Variants in ERICH6B observed in about 807,000 individuals in gnomAD.
ERICH6B encodes glutamate rich 6B, also known as glutamate-rich protein 6B.
Under a neutral mutation model 80.0 loss-of-function variants are expected in ERICH6B, and 69 were observed. That is an observed-to-expected ratio of 0.86 (90% CI 0.71 to 1.05). The LOEUF (loss-of-function observed/expected upper bound fraction) is 1.05, where lower values mean the gene tolerates loss of function less well. Among genes scored for constraint, ERICH6B ranks in the 50% least tolerant of loss-of-function variants. ERICH6B has a pLI of 0.00. For synonymous variants in ERICH6B, 283 were observed against 291.9 expected, an observed-to-expected ratio of 0.97 and a Z score of 0.31; for missense variants, 754 against 796.1, an observed-to-expected ratio of 0.95 and a Z score of 0.64.
intron 1 of ERICH6B, among the ~76,000 whole-genome samples, chr13:45,609,277 C>T (rs1379246156): frequency 6.6e-6 from 1 of 152,210 alleles, no homozygotes; most frequent in Non-Finnish European, 1.5e-5. Context: ...TCTGGAAATC[C>T]TCCTTCCCTT....
intron 7 of ERICH6B, among the ~76,000 whole-genome samples, chr13:45,575,301 C>G (rs574439619): frequency 6.6e-6 from 1 of 152,320 alleles, no homozygotes; most frequent in African/African-American, 2.4e-5. Context: ...CGGCAGAGGA[C>G]TAGGTGCAAA....
chr13:45,543,867 G>T (rs138481518), intron 14 of ERICH6B, among the ~76,000 whole-genome samples: 1 of 152,156 alleles, frequency 6.6e-6, no homozygotes, highest in African/African-American at 2.4e-5. Flanking sequence ...ACAACAGCAG[G>T]CCTGGGGACA....
At chr13:45,563,558 C>T (rs1874781630) in intron 10 of ERICH6B, 169 bp downstream of exon 10, 4 of 674,382 alleles carry the variant, frequency 5.9e-6, no homozygotes, top group East Asian at 2.7e-5. Flanking sequence ...ACTGTGCCTG[C>T]CATGCTCGGT....
intron 14 of ERICH6B, among the ~76,000 whole-genome samples, chr13:45,544,542 A>G (rs886088666): frequency 2.6e-5 from 4 of 152,184 alleles, no homozygotes; most frequent in Non-Finnish European, 5.9e-5. Context: ...TTTCAATGTG[A>G]ATTTCCTCAG....
At position 45,596,927 on chromosome 13, in the gene ERICH6B, A is replaced by G; in HGVS notation, c.79T>C (p.Leu27=). The G allele has an allele frequency of 1.3e-6, 2 of 1,551,746 alleles. No homozygotes were observed. The highest frequency in any genetic ancestry group is 1.7e-6 in the Non-Finnish European group (2 of 1,147,000). The change falls in exon 3 of 15, where the codon TTG becomes CTG. Residue 27 remains leucine, a synonymous_variant. Coordinates refer to ENST00000298738, the MANE Select transcript of ERICH6B (RefSeq NM_182542.3). ...TCAGTATCCTCTTTCTCTGAAGGCAAGTTCTGTGTGGAATATTGGGGAGTT... is the reference window on the plus strand; with the variant it reads ...TCAGTATCCTCTTTCTCTGAAGGCAGGTTCTGTGTGGAATATTGGGGAGTT... ...PTTPQYSTQN[L]PSEKEDTEVE...
At chr13:45,569,798 C>T (rs569546882) in intron 8 of ERICH6B, among the ~76,000 whole-genome samples, 1 of 152,274 alleles carries the variant, frequency 6.6e-6, no homozygotes, top group South Asian at 2.1e-4. Context: ...GTCCGACTTG[C>T]CTGATTCCTA....
At chr13:45,550,976 G>A (rs1200384710) in intron 11 of ERICH6B, among the ~76,000 whole-genome samples, 5 of 152,138 alleles carry the variant, frequency 3.3e-5, no homozygotes, top group Non-Finnish European at 7.3e-5. Context: ...TGTCTCTTGA[G>A]GGAACACAAT....
In ERICH6B at chr13:45,589,983, T is replaced by A. The variant is rs576649710; in HGVS notation, c.686+666A>T. Reference sequence around the variant, plus strand: ...AGTTGTAACTTATGGGTCCCCTACTTGGCAAAACTGGGATTTCATTCCTGC... The same window carrying A: ...AGTTGTAACTTATGGGTCCCCTACTAGGCAAAACTGGGATTTCATTCCTGC... On this transcript the variant is annotated intron_variant, in intron 4 of 14. Coordinates refer to ENST00000298738, the MANE Select transcript of ERICH6B (RefSeq NM_182542.3). Among the ~76,000 whole-genome samples the A allele has an allele frequency of 3.3e-5, 5 of 152,258 alleles. No individual in the cohort carries two copies. The South Asian group carries it at 6.2e-4, about 19-fold the overall frequency.
intron 13 of ERICH6B, among the ~76,000 whole-genome samples, chr13:45,548,441 C>T (rs973894673): frequency 2.0e-5 from 3 of 152,150 alleles, no homozygotes; most frequent in African/African-American, 7.2e-5. Flanking sequence ...GGGACTAAGC[C>T]CTTCCTCTGT....
intron 7 of ERICH6B, among the ~76,000 whole-genome samples, chr13:45,576,632 C>G (rs1875416255): frequency 1.3e-5 from 2 of 152,160 alleles, no homozygotes; most frequent in Admixed American, 1.3e-4. Context: ...CTCAGATGTG[C>G]CTGCCAGAGA....
intron 7 of ERICH6B, among the ~76,000 whole-genome samples, chr13:45,579,323 T>A (rs1179112096): frequency 6.6e-6 from 1 of 152,156 alleles, no homozygotes; most frequent in Non-Finnish European, 1.5e-5. Flanking sequence ...TAAGAACTGA[T>A]CCTTCTCCCA....
chr13:45,560,866 T>C (rs1485998885), intron 11 of ERICH6B, among the ~76,000 whole-genome samples: 1 of 152,230 alleles, frequency 6.6e-6, no homozygotes, highest in East Asian at 1.9e-4. Flanking sequence ...CACTGTGTGA[T>C]TGATTTTTGA....
chr13:45,593,618 A>G (rs752438781), intron 3 of ERICH6B, among the ~76,000 whole-genome samples: 3 of 152,198 alleles, frequency 2.0e-5, no homozygotes, highest in Non-Finnish European at 4.4e-5. Context: ...GCAACTAGTG[A>G]AAGGGAGAGA....
intron 1 of ERICH6B, among the ~76,000 whole-genome samples, chr13:45,611,808 A>C (rs1949901514): frequency 6.6e-6 from 1 of 152,208 alleles, no homozygotes; most frequent in Admixed American, 6.5e-5. Flanking sequence ...CTGTAATAAT[A>C]AGGATAACAA....
chr13:45,581,447 G>A (rs941453318), intron 5 of ERICH6B, among the ~76,000 whole-genome samples: 15 of 152,126 alleles, frequency 9.9e-5, no homozygotes, highest in African/African-American at 2.2e-4. Context: ...TGAGATCTCC[G>A]CTTACTGCAA....
intron 4 of ERICH6B, among the ~76,000 whole-genome samples, chr13:45,588,341 G>T (rs540404011): frequency 3.9e-5 from 6 of 152,320 alleles, no homozygotes; most frequent in Admixed American, 6.5e-5. Context: ...GCAGCCTGGG[G>T]CTTAGCAGCT....
At chr13:45,612,855 A>T (rs1949907591) in intron 1 of ERICH6B, among the ~76,000 whole-genome samples, 1 of 152,102 alleles carries the variant, frequency 6.6e-6, no homozygotes, top group African/African-American at 2.4e-5. Flanking sequence ...CCACTTAGTC[A>T]TTGGGAAGGC....
chr13:45,599,818 G>A (rs930161317), intron 2 of ERICH6B, among the ~76,000 whole-genome samples: 5 of 152,182 alleles, frequency 3.3e-5, no homozygotes, highest in African/African-American at 1.2e-4. Flanking sequence ...CAGTGGTGAC[G>A]GTGAAAGTGT....
At chr13:45,593,793 C>T (rs1184716072) in intron 3 of ERICH6B, among the ~76,000 whole-genome samples, 4 of 152,236 alleles carry the variant, frequency 2.6e-5, no homozygotes, top group African/African-American at 4.8e-5. Flanking sequence ...GCACTCTTTG[C>T]TGCTGAGCCC....
Sources: allele counts gnomAD v4.1 joint callset (sites outside exome capture counted in the v4.1 genomes callset), GRCh38; gene constraint gnomAD v4.1.1; transcripts MANE v1.5; gene names NCBI Gene and HGNC (gene_info 2026-07-23, HGNC 2026-07-21).